MLLT10: variants seen among roughly 807,000 people sequenced by gnomAD.
MLLT10 encodes the protein MLLT10 histone lysine methyltransferase DOT1L cofactor.
Under a neutral mutation model 129.1 loss-of-function variants are expected in MLLT10, and 30 were observed. The observed-to-expected ratio is 0.23, with a 90% CI of 0.17 to 0.32. The LOEUF is 0.32. Ranked by LOEUF, MLLT10 falls within the 10% of genes least tolerant of loss-of-function variation. MLLT10 has a pLI of 1.00. For synonymous variants in MLLT10, 490 were observed against 446.4 expected (o/e 1.10, Z -1.23); for missense variants, 1,119 against 1,268.3 (o/e 0.88, Z 1.79).
At chr10:21,593,607 T>C (rs979303566) in intron 4 of MLLT10, among the ~76,000 whole-genome samples, 3 of 152,074 alleles carry the variant, frequency 2.0e-5, no homozygotes, top group African/African-American at 7.2e-5. Flanking sequence ...TGTTTGGTAC[T>C]TATTGTGCTG....
intron 8 of MLLT10, among the ~76,000 whole-genome samples, chr10:21,631,830 A>G (rs1426507908): frequency 1.3e-5 from 2 of 151,368 alleles, no homozygotes. Flanking sequence ...TCAACATGAG[A>G]TTTAGGTGAG....
intron 8 of MLLT10, among the ~76,000 whole-genome samples, chr10:21,635,475 A>G (rs577784302): frequency 2.0e-5 from 3 of 152,066 alleles, no homozygotes; most frequent in Non-Finnish European, 2.9e-5. Context: ...GGTTCAAGCA[A>G]TTCTCTTAGC....
chr10:21,722,645 C>T (rs934581567), intron 14 of MLLT10, among the ~76,000 whole-genome samples: 7 of 152,162 alleles, frequency 4.6e-5, no homozygotes, highest in African/African-American at 1.7e-4. Flanking sequence ...ACTGTGTGTG[C>T]TCTCTTCAGT....
intron 3 of MLLT10, among the ~76,000 whole-genome samples, chr10:21,542,811 G>C (rs2035417965): frequency 6.6e-6 from 1 of 152,192 alleles, no homozygotes; most frequent in Non-Finnish European, 1.5e-5. Context: ...CATTGAGCCT[G>C]TGAGTTTGAG....
chr10:21,578,448 CAA>C (rs1238667827), intron 3 of MLLT10, among the ~76,000 whole-genome samples: 2 of 152,002 alleles, frequency 1.3e-5, no homozygotes, highest in African/African-American at 4.8e-5. Flanking sequence ...TTGTTTGTAG[CAA>C]AAAAGTCTGT....
At chr10:21,652,953 T>C (rs1283243580) in intron 9 of MLLT10, among the ~76,000 whole-genome samples, 1 of 152,198 alleles carries the variant, frequency 6.6e-6, no homozygotes, top group Non-Finnish European at 1.5e-5. Flanking sequence ...GATCCATGGA[T>C]GATTCCAAAG....
At chr10:21,586,455 C>G in intron 4 of MLLT10, 107 bp downstream of exon 4, 2 of 912,914 alleles carry the variant, frequency 2.2e-6, no homozygotes, top group Admixed American at 5.7e-5. Flanking sequence ...ACAGCGTTTT[C>G]TACTCATTTT....
intron 17 of MLLT10, among the ~76,000 whole-genome samples, chr10:21,732,222 CTG>C (rs953246123): frequency 1.3e-5 from 2 of 152,210 alleles, no homozygotes; most frequent in East Asian, 1.9e-4. Context: ...CGGCAACACT[CTG>C]TGTTGTTAGC....
chr10:21,546,901 A>G (rs1286812114), intron 3 of MLLT10, among the ~76,000 whole-genome samples: 1 of 151,914 alleles, frequency 6.6e-6, no homozygotes, highest in Non-Finnish European at 1.5e-5. Flanking sequence ...CTGATTTTGT[A>G]TAGTAGAGAC....
intron 3 of MLLT10, among the ~76,000 whole-genome samples, chr10:21,580,533 C>T (rs190179048): frequency 6.6e-4 from 100 of 151,728 alleles, no homozygotes; most frequent in African/African-American, 2.0e-3. Context: ...GGACTACAGG[C>T]GCCCGCCACC....
intron 13 of MLLT10, among the ~76,000 whole-genome samples, chr10:21,701,871 G>A (rs1196686734): frequency 6.6e-6 from 1 of 152,032 alleles, no homozygotes; most frequent in East Asian, 1.9e-4. Context: ...TTACAGGCGT[G>A]AGCCACCGCA....
intron 8 of MLLT10, among the ~76,000 whole-genome samples, chr10:21,628,838 C>G (rs1031842774): frequency 6.6e-6 from 1 of 150,902 alleles, no homozygotes; most frequent in African/African-American, 2.4e-5. Flanking sequence ...CCTCTGCTCC[C>G]AAGTTCACAA....
intron 3 of MLLT10, among the ~76,000 whole-genome samples, chr10:21,580,859 G>A (rs899429764): frequency 2.4e-5 from 3 of 123,670 alleles, no homozygotes; most frequent in African/African-American, 6.2e-5. Context: ...ACACCACCAC[G>A]CCCAGCTCAT....
chr10:21,682,320 A>T (rs2052821854), intron 13 of MLLT10, 63 bp downstream of exon 13: 1 of 1,435,472 alleles, frequency 7.0e-7, no homozygotes, highest in African/African-American at 1.4e-5. Context: ...TTTGTAGAGA[A>T]TCTCGATTGA....
At position 21,561,693 on chromosome 10, in the gene MLLT10, CTCTT is replaced by C. The variant is rs1323124369; in HGVS notation, c.240+22784_240+22787del. Among the ~76,000 whole-genome samples the C allele has an allele frequency of 3.3e-5, 5 of 152,320 alleles. No homozygotes were observed. The East Asian group carries it at 7.7e-4, about 23-fold the overall frequency. On this transcript the variant is annotated intron_variant, in intron 3 of 22. Transcript: ENST00000307729. ...CCCAGCATTATTTGTTGAAAAGACT[CTCTT>C]TCCCACTGAATGATACTGGCACTTT...
chr10:21,602,515 T>C (rs1244832482), intron 5 of MLLT10, among the ~76,000 whole-genome samples: 2 of 152,186 alleles, frequency 1.3e-5, no homozygotes, highest in Non-Finnish European at 2.9e-5. Context: ...AAGGAATGCA[T>C]GTTAGTTGCA....
chr10:21,693,371 A>AG lies in MLLT10; in HGVS notation c.1699+11119dup, dbSNP rs199813459. Among the ~76,000 whole-genome samples, 683 of 139,652 alleles carry AG rather than the reference A, an allele frequency of 4.9e-3. 4 individuals carry two copies. The highest frequency in any genetic ancestry group is 7.2e-3 in the Non-Finnish European group (435 of 60,688). The allele number at this position is 139,652 out of a possible 152,430, so 91.6% of individuals were successfully genotyped here. ...ACTCAAGATATTAGATGTCTTTCCC[A>AG]GGGGGAAAAAAAAAACCTTATTTTA... is the stretch of plus-strand genomic sequence containing the variant. On this transcript the variant is annotated intron_variant, in intron 13 of 22. Transcript: ENST00000307729.
At chr10:21,716,699 A>G (rs541480381) in intron 14 of MLLT10, among the ~76,000 whole-genome samples, 1 of 148,400 alleles carries the variant, frequency 6.7e-6, no homozygotes, top group Non-Finnish European at 1.5e-5. Context: ...TGTCTCCCCA[A>G]AAAAAAAAAA....
chr10:21,673,318 C>CGTTTTT, intron 10 of MLLT10, 32 bp from the exon 11 acceptor site: 1 of 307,342 alleles, frequency 3.3e-6, no homozygotes, highest in Non-Finnish European at 5.0e-6. Flanking sequence ...CACCCCCCAA[C>CGTTTTT]TTTTTTTTTT....
Sources: gnomAD v4.1 joint callset for allele counts (sites outside exome capture counted in the v4.1 genomes callset) on GRCh38, gnomAD v4.1.1 for gene constraint, MANE v1.5 for transcripts, NCBI Gene and HGNC (gene_info 2026-07-23, HGNC 2026-07-21) for gene names.